HNRNPD: variants seen among roughly 807,000 people sequenced by gnomAD.
HNRNPD encodes heterogeneous nuclear ribonucleoprotein D0.
HNRNPD carries 3 observed loss-of-function variants against 47.9 expected under a neutral mutation model. The observed-to-expected ratio is 0.06, with a 90% CI of 0.03 to 0.16. The LOEUF (loss-of-function observed/expected upper bound fraction) is 0.16, where lower values mean the gene tolerates loss of function less well. HNRNPD is among the 10% of genes least tolerant of loss of function. HNRNPD has a pLI of 1.00. For missense variants in HNRNPD, 287 were observed against 454.2 expected, an observed-to-expected ratio of 0.63 and a Z score of 3.35; for synonymous variants, 171 against 165.1, an observed-to-expected ratio of 1.04 and a Z score of -0.28.
chr4:82,357,248 A>C, intron 5 of HNRNPD, 65 bp downstream of exon 5: 2 of 1,497,614 alleles, frequency 1.3e-6, no homozygotes, highest in South Asian at 2.7e-5. Flanking sequence ...TTACAGAGAA[A>C]GATAAATGGT....
At chr4:82,357,542 G>A in intron 4 of HNRNPD, 98 bp from the exon 5 acceptor site, 1 of 1,023,554 alleles carries the variant, frequency 9.8e-7, no homozygotes, top group Non-Finnish European at 1.4e-6. Flanking sequence ...AAGAAAACAT[G>A]TATTTGGCAC....
chr4:82,369,302 A>G (rs961315792), intron 2 of HNRNPD, among the ~76,000 whole-genome samples: 2 of 152,242 alleles, frequency 1.3e-5, no homozygotes, highest in African/African-American at 4.8e-5. Flanking sequence ...TTAATGTGGG[A>G]AAGAGTAAAT....
intron 2 of HNRNPD, among the ~76,000 whole-genome samples, chr4:82,362,365 A>T (rs1369875017): frequency 1.3e-5 from 2 of 152,146 alleles, no homozygotes; most frequent in East Asian, 3.8e-4. Context: ...CTAAGCAAGC[A>T]CCTAAGTGGC....
rs1267445250 is a variant in HNRNPD at position 82,355,400 on chromosome 4, G to A, written c.1002C>T (p.Asn334=). Residue 334 remains asparagine, a splice_region_variant and synonymous_variant, in exon 8 of 9, where the codon AAC becomes AAT. Transcript: ENST00000313899. ...NNYYGYGDYS[N]QQSGYGKVSR... is the part of the protein sequence containing the mutation. ...ATACCTTCCCATAACCACTCTGCTG[G>A]TCTAAAATAAAACAAGTGTTAGAAC... 1 of 1,611,240 alleles carries A rather than the reference G, an allele frequency of 6.2e-7. No individual in the cohort carries two copies. Among genetic ancestry groups the A allele is most frequent in the South Asian group, 1.1e-5 (1 of 91,024 alleles).
intron 1 of HNRNPD, 65 bp downstream of exon 1, chr4:82,373,381 C>T: frequency 1.4e-6 from 2 of 1,398,170 alleles, no homozygotes; most frequent in Non-Finnish European, 1.9e-6. Context: ...GGCCTAATGG[C>T]GGGGGAATAA....
chr4:82,360,349 G>C (rs1238610868), intron 2 of HNRNPD, among the ~76,000 whole-genome samples: 9 of 151,828 alleles, frequency 5.9e-5, no homozygotes, highest in East Asian at 1.9e-4. Context: ...AATCCACCAA[G>C]ACACTCTAAG....
At chr4:82,365,947 G>C (rs191047351) in intron 2 of HNRNPD, among the ~76,000 whole-genome samples, 1 of 151,608 alleles carries the variant, frequency 6.6e-6, no homozygotes, top group East Asian at 1.9e-4. Context: ...GAGACATTAA[G>C]GTTAGCCAAT....
rs566765524 is a variant in HNRNPD, at chr4:82,369,643, T to C, written c.290+1885A>G. Among the ~76,000 whole-genome samples, 485 of 140,708 alleles carry C rather than the reference T, an allele frequency of 3.4e-3. 1 individual carries two copies. The highest frequency in any genetic ancestry group is 0.011 in the Admixed American group (158 of 13,832). The allele number at this position is 140,708 out of a possible 152,430, so 92.3% of individuals were successfully genotyped here. On this transcript the variant is annotated intron_variant, in intron 2 of 8. Coordinates refer to ENST00000313899, the MANE Select transcript of HNRNPD (RefSeq NM_031370.3). The stretch of plus-strand genomic sequence containing the variant: ...GTTGCCCTTATAATATCCCTCAAAA[T>C]GGGAGAAAGAGGAAGGGACAGATAC...
rs1723671218 is a variant in HNRNPD at position 82,355,314 on chromosome 4, T to TAA, written c.*18_*19dup. ...ATTTTTAGAACATACCTGTTGGGGA[T>TAA]AAGTTGCAAATGGAATAATTTAGTA... is the stretch of plus-strand genomic sequence containing the variant. On this transcript the variant is annotated 3_prime_UTR_variant, in exon 8 of 9. Coordinates refer to ENST00000313899, the MANE Select transcript of HNRNPD (RefSeq NM_031370.3). The TAA allele has an allele frequency of 6.3e-7, 1 of 1,587,974 alleles. No individual in the cohort carries two copies. Among genetic ancestry groups the TAA allele is most frequent in the Non-Finnish European group, 8.6e-7 (1 of 1,156,934 alleles).
At chr4:82,363,584 T>C (rs1255221378) in intron 2 of HNRNPD, among the ~76,000 whole-genome samples, 1 of 152,222 alleles carries the variant, frequency 6.6e-6, no homozygotes, top group Non-Finnish European at 1.5e-5. Flanking sequence ...GCAACAAAGA[T>C]GGCCCCTAAC....
chr4:82,372,297 C>T (rs1015763851), intron 1 of HNRNPD, among the ~76,000 whole-genome samples: 5 of 152,096 alleles, frequency 3.3e-5, no homozygotes, highest in Non-Finnish European at 5.9e-5. Flanking sequence ...TTCCCAATCC[C>T]AAATGCTGCA....
chr4:82,371,576 T>C lies in HNRNPD; in HGVS notation c.242A>G (p.Asn81Ser). 1.2e-6 allele frequency: 2 copies of C among 1,612,476 alleles called. No homozygotes were observed. The highest frequency in any genetic ancestry group is 1.7e-6 in the Non-Finnish European group (2 of 1,178,946). ...SKNEEDEGHS[N>S]SSPRHSEAAT... The stretch of plus-strand genomic sequence containing the variant: ...TGCTTCAGAGTGTCGTGGGGAGGAG[T>C]TTGAATGGCTAGGGAATTAACAACC... Residue 81 changes from asparagine to serine, a missense_variant, in exon 2 of 9, where the codon AAC (asparagine) becomes AGC (serine). By Grantham distance (46) the Asn-to-Ser change is conservative. Coordinates refer to ENST00000313899, the MANE Select transcript of HNRNPD (RefSeq NM_031370.3).
At chr4:82,372,408 A>T (rs1402220647) in intron 1 of HNRNPD, among the ~76,000 whole-genome samples, 1 of 152,230 alleles carries the variant, frequency 6.6e-6, no homozygotes, top group African/African-American at 2.4e-5. Flanking sequence ...AAGAAAAAAA[A>T]AGTATCCCAT....
chr4:82,369,058 C>T (rs60365428), intron 2 of HNRNPD, among the ~76,000 whole-genome samples: 3,045 of 152,280 alleles, frequency 0.02, 115 homozygotes, highest in African/African-American at 0.069. Flanking sequence ...AGTCTATGTA[C>T]CTACCTTGTA....
intron 8 of HNRNPD, 64 bp downstream of exon 8, chr4:82,355,240 G>C (rs920728403): frequency 1.1e-6 from 1 of 876,116 alleles, no homozygotes. Flanking sequence ...ATTGTTTTAT[G>C]AACAATATAG....
At chr4:82,368,893 C>G (rs902384386) in intron 2 of HNRNPD, among the ~76,000 whole-genome samples, 2 of 152,220 alleles carry the variant, frequency 1.3e-5, no homozygotes, top group African/African-American at 2.4e-5. Context: ...GCAGGATTCA[C>G]AGAATTCCCA....
rs1423653607 is a variant in HNRNPD, at chr4:82,365,557, C to T, written c.291-5918G>A. ...GGGAGAGAGCTTGACAAGCTTTCATCGAGTTCAAATACTAACCAGCCTTTT... is the reference window on the plus strand; with the variant it reads ...GGGAGAGAGCTTGACAAGCTTTCATTGAGTTCAAATACTAACCAGCCTTTT... On this transcript the variant is annotated intron_variant, in intron 2 of 8. Coordinates refer to ENST00000313899, the MANE Select transcript of HNRNPD (RefSeq NM_031370.3). Among the ~76,000 whole-genome samples the T allele has an allele frequency of 4.0e-5, 6 of 151,872 alleles. No homozygotes were observed. In the East Asian group the frequency reaches 5.8e-4, roughly 15 times the overall value.
chr4:82,373,769 G>A lies in HNRNPD; in HGVS notation c.-91C>T, dbSNP rs1036681079. On this transcript the variant is annotated 5_prime_UTR_variant, in exon 1 of 9. Transcript: ENST00000313899. The stretch of plus-strand genomic sequence containing the variant: ...GCAAAGTAATCCCCGCCGCTGCCGC[G>A]CGCCCGCTCTACCTCGCGAAGCACA... 5 of 1,524,672 alleles carry A rather than the reference G, an allele frequency of 3.3e-6. No homozygotes were observed. The Admixed American group carries it at 6.0e-5, about 18-fold the overall frequency. The allele number at this position is 1,524,672 out of a possible 1,614,324, so 94.4% of individuals were successfully genotyped here. A position where few individuals can be genotyped will look rare whatever the true frequency, so the allele number is the denominator to read the frequency against.
At chr4:82,363,598 G>A (rs1337825764) in intron 2 of HNRNPD, among the ~76,000 whole-genome samples, 3 of 152,160 alleles carry the variant, frequency 2.0e-5, no homozygotes, top group African/African-American at 7.2e-5. Flanking sequence ...CCCTAACGCT[G>A]CAATAAGTTT....
Sources: allele counts gnomAD v4.1 joint callset (sites outside exome capture counted in the v4.1 genomes callset), GRCh38; gene constraint gnomAD v4.1.1; transcripts MANE v1.5; gene names NCBI Gene and HGNC (gene_info 2026-07-23, HGNC 2026-07-21).